MORF4L1: variants seen among roughly 807,000 people sequenced by gnomAD.
MORF4L1 encodes the protein mortality factor 4-like protein 1.
In MORF4L1, 4 loss-of-function variants were observed where a neutral mutation model predicts 52.9. The observed-to-expected ratio is 0.08, with a 90% CI of 0.04 to 0.17. The LOEUF (loss-of-function observed/expected upper bound fraction) is 0.17. Among genes scored for constraint, MORF4L1 ranks in the 10% least tolerant of loss-of-function variants. The pLI is 1.00. For synonymous variants in MORF4L1, 123 were observed against 134.8 expected (o/e 0.91, Z 0.61); for missense variants, 214 against 390.4 (o/e 0.55, Z 3.81).
chr15:78,884,337 C>G (rs943503193), intron 3 of MORF4L1, among the ~76,000 whole-genome samples: 2 of 152,088 alleles, frequency 1.3e-5, no homozygotes, highest in Non-Finnish European at 2.9e-5. Flanking sequence ...GGTGGTGAAA[C>G]TCTGTCTCTA....
chr15:78,891,584 T>G lies in MORF4L1; in HGVS notation c.438+12T>G. The G allele has an allele frequency of 1.3e-6, 2 of 1,598,766 alleles. No homozygotes were observed. The highest frequency in any genetic ancestry group is 1.7e-6 in the Non-Finnish European group (2 of 1,166,600). The stretch of plus-strand genomic sequence containing the variant: ...CTACTGTTGAAAATGTGAGTTTTTC[T>G]TGTGTTTATGAATAGCATGTTAGGA... On this transcript the variant is annotated intron_variant, in intron 7 of 11. Coordinates refer to ENST00000426013, the MANE Select transcript of MORF4L1 (RefSeq NM_006791.4).
intron 1 of MORF4L1, among the ~76,000 whole-genome samples, chr15:78,874,518 C>T (rs1360808455): frequency 6.6e-6 from 1 of 151,784 alleles, no homozygotes; most frequent in African/African-American, 2.4e-5. Flanking sequence ...CCATCACGTC[C>T]GGCTAAGTTT....
chr15:78,893,312 A>G (rs75561791), intron 8 of MORF4L1, among the ~76,000 whole-genome samples: 4,406 of 152,304 alleles, frequency 0.029, 239 homozygotes, highest in African/African-American at 0.1. Context: ...ATGGGGTTAC[A>G]TCGCAATAAA....
chr15:78,891,702 C>T, intron 7 of MORF4L1, 130 bp downstream of exon 7: 1 of 676,430 alleles, frequency 1.5e-6, no homozygotes, highest in Non-Finnish European at 2.4e-6. Context: ...AAAATTTTCT[C>T]TTTTGGGGGT....
At chr15:78,890,148 A>G (rs1298892974) in intron 5 of MORF4L1, among the ~76,000 whole-genome samples, 4 of 152,054 alleles carry the variant, frequency 2.6e-5, no homozygotes. Context: ...TGAACCCGGG[A>G]GGAGGAGGTT....
At chr15:78,887,575 G>A (rs753457043) in intron 5 of MORF4L1, 9 of 360,102 alleles carry the variant, frequency 2.5e-5, no homozygotes, top group Non-Finnish European at 4.5e-5. Context: ...ATATATGTGT[G>A]TGATGTTTTC....
chr15:78,882,181 G>T (rs973256515), intron 3 of MORF4L1, among the ~76,000 whole-genome samples: 1 of 152,136 alleles, frequency 6.6e-6, no homozygotes, highest in African/African-American at 2.4e-5. Flanking sequence ...AATCAGTGAG[G>T]TGTGGTGGTG....
chr15:78,893,665 AT>A, intron 9 of MORF4L1, 38 bp downstream of exon 9: 1 of 1,396,766 alleles, frequency 7.2e-7, no homozygotes, highest in Non-Finnish European at 9.9e-7. Flanking sequence ...CTCAAAAGAC[AT>A]TTAAAAAAGT....
intron 2 of MORF4L1, 141 bp downstream of exon 2, chr15:78,878,400 C>T (rs78369041): frequency 1.7e-6 from 1 of 599,562 alleles, no homozygotes; most frequent in Non-Finnish European, 2.8e-6. Flanking sequence ...ATTTCTTCAT[C>T]TTTCTGAGAT....
At chr15:78,880,376 C>A in intron 2 of MORF4L1, 136 bp from the exon 3 acceptor site, 1 of 640,108 alleles carries the variant, frequency 1.6e-6, no homozygotes, top group Non-Finnish European at 2.7e-6. Flanking sequence ...CTTGAGTATT[C>A]TACAAGCTTA....
chr15:78,890,378 G>A (rs1014985047), intron 5 of MORF4L1, among the ~76,000 whole-genome samples: 1 of 151,464 alleles, frequency 6.6e-6, no homozygotes, highest in African/African-American at 2.4e-5. Context: ...TTTAACCTTT[G>A]ACACCTTTTT....
intron 5 of MORF4L1, among the ~76,000 whole-genome samples, chr15:78,889,092 T>A (rs1226508192): frequency 6.6e-6 from 1 of 152,242 alleles, no homozygotes; most frequent in Non-Finnish European, 1.5e-5. Context: ...TGCATTTGAA[T>A]ACAGCATTGT....
intron 8 of MORF4L1, chr15:78,892,926 G>C (rs1404935937): frequency 6.5e-6 from 1 of 153,224 alleles, no homozygotes; most frequent in Admixed American, 6.5e-5. Context: ...GATATAGTTT[G>C]AATTCTGATT....
chr15:78,895,221 T>G (rs2056867160), intron 11 of MORF4L1, among the ~76,000 whole-genome samples: 1 of 152,208 alleles, frequency 6.6e-6, no homozygotes, highest in Admixed American at 6.5e-5. Context: ...AAAATTAAAT[T>G]GTTAAGATAA....
At position 78,894,283 on chromosome 15, in the gene MORF4L1, AAATG is replaced by A. The variant is rs1226173386; in HGVS notation, c.802+57_802+60del. On this transcript the variant is annotated intron_variant, in intron 10 of 11. Transcript: ENST00000426013. ...TTTTACTTTTTGGGGGGTCTTCTCT[AAATG>A]AATAAGAGGTAAAGTAATTAACTTT... 2.4e-5 allele frequency: 35 copies of A among 1,428,630 alleles called. No individual in the cohort carries two copies. In the South Asian group the frequency reaches 4.6e-4, roughly 19 times the overall value. 88.5% of individuals were successfully genotyped at this position (1,428,630 alleles called of 1,614,324 possible). A position where few individuals can be genotyped will look rare whatever the true frequency, so the allele number is the denominator to read the frequency against.
intron 5 of MORF4L1, among the ~76,000 whole-genome samples, chr15:78,889,538 G>GTA (rs899156814): frequency 1.4e-4 from 22 of 152,254 alleles, no homozygotes; most frequent in African/African-American, 4.8e-4. Context: ...TCACCTGTCA[G>GTA]TATTTTAGTT....
intron 1 of MORF4L1, among the ~76,000 whole-genome samples, chr15:78,877,559 G>A (rs1359461865): frequency 3.3e-5 from 5 of 152,204 alleles, no homozygotes; most frequent in African/African-American, 4.8e-5. Flanking sequence ...CTGAGGTACT[G>A]CCTAGAATTG....
chr15:78,893,390 C>A, intron 8 of MORF4L1, 149 bp from the exon 9 acceptor site: 1 of 572,684 alleles, frequency 1.7e-6, no homozygotes. Context: ...GTTTCTCAGC[C>A]ACATTATCCA....
intron 7 of MORF4L1, among the ~76,000 whole-genome samples, chr15:78,891,988 A>G (rs922600992): frequency 2.0e-5 from 3 of 152,238 alleles, no homozygotes; most frequent in African/African-American, 7.2e-5. Context: ...TTTTACCTTT[A>G]CAAGAAAATG....
Sources: gnomAD v4.1 joint callset for allele counts (sites outside exome capture counted in the v4.1 genomes callset) on GRCh38, gnomAD v4.1.1 for gene constraint, MANE v1.5 for transcripts, NCBI Gene and HGNC (gene_info 2026-07-23, HGNC 2026-07-21) for gene names.